The following COL4A4 variants were observed in gnomAD, a reference collection of about 807,000 sequenced individuals.
The protein encoded by COL4A4 is collagen type IV alpha 4 chain.
In COL4A4, 105 loss-of-function variants were observed where a neutral mutation model predicts 192.9. The ratio of observed to expected loss-of-function variants is 0.54; its 90% CI spans 0.46 to 0.64. COL4A4 has a LOEUF of 0.64. Ranked by LOEUF, COL4A4 falls within the 30% of genes least tolerant of loss-of-function variation. COL4A4 has a pLI of 0.00. For missense variants in COL4A4, 1,967 were observed against 2,169.3 expected, an observed-to-expected ratio of 0.91 and a Z score of 1.85; for synonymous variants, 762 against 769.9, an observed-to-expected ratio of 0.99 and a Z score of 0.17.
In COL4A4 at chr2:227,052,334, G is replaced by C. The variant is rs199772236; in HGVS notation, c.2939C>G (p.Pro980Arg). 6.2e-7 allele frequency: 1 copy of C among 1,611,404 alleles called. No individual in the cohort carries two copies. The highest frequency in any genetic ancestry group is 2.2e-5 in the East Asian group (1 of 44,852). The change falls in exon 32 of 48, where the codon CCT becomes CGT. Residue 980 changes from proline to arginine, a missense_variant. Coordinates refer to ENST00000396625, the MANE Select transcript of COL4A4 (RefSeq NM_000092.5). ...QKGTPGEPGP[P>R]GDDGFPGERG... ...TTCTCCTGGGAATCCATCATCTCCA[G>C]GAGGTCCAGGTTCCCCAGGTGTTCC... is the stretch of plus-strand genomic sequence containing the variant.
chr2:227,118,631 T>C lies in COL4A4; in HGVS notation c.489+14A>G, dbSNP rs1199749913. 1.3e-6 allele frequency: 2 copies of C among 1,563,592 alleles called. No individual in the cohort carries two copies. The highest frequency in any genetic ancestry group is 1.8e-6 in the Non-Finnish European group (2 of 1,134,032). On this transcript the variant is annotated intron_variant, in intron 7 of 47. Coordinates refer to ENST00000396625, the MANE Select transcript of COL4A4 (RefSeq NM_000092.5). ...ACTTAAGATTCCTGTTAAGATGAAC[T>C]GTGGGTATCTTACTAGGGGGCCTCC...
intron 25 of COL4A4, among the ~76,000 whole-genome samples, chr2:227,066,903 T>G (rs2058375876): frequency 6.6e-6 from 1 of 151,036 alleles, no homozygotes; most frequent in South Asian, 2.1e-4. Context: ...AATGCTCCAA[T>G]TAAAAGACAC....
At chr2:227,149,069 G>A (rs2063745583) in intron 1 of COL4A4, among the ~76,000 whole-genome samples, 1 of 151,922 alleles carries the variant, frequency 6.6e-6, no homozygotes, top group South Asian at 2.1e-4. Flanking sequence ...GGCTGGTCTT[G>A]AACTCCTGAC....
chr2:227,045,860 A>T (rs1394208314), intron 35 of COL4A4, among the ~76,000 whole-genome samples: 1 of 90,298 alleles, frequency 1.1e-5, no homozygotes, highest in Non-Finnish European at 2.1e-5. Flanking sequence ...ACATATATAT[A>T]TACACATATA....
intron 15 of COL4A4, 142 bp downstream of exon 15, chr2:227,102,647 C>T (rs900425857): frequency 2.7e-6 from 2 of 744,732 alleles, no homozygotes; most frequent in East Asian, 2.6e-5. Flanking sequence ...TTTAGATATT[C>T]CATAATTCTC....
chr2:227,062,507 C>A, intron 26 of COL4A4, 23 bp downstream of exon 26: 1 of 1,443,710 alleles, frequency 6.9e-7, no homozygotes, highest in Non-Finnish European at 9.8e-7. Context: ...GTATATAAGA[C>A]AGTAACTTCT....
At chr2:227,087,275 G>T (rs532014382) in intron 22 of COL4A4, among the ~76,000 whole-genome samples, 1 of 152,348 alleles carries the variant, frequency 6.6e-6, no homozygotes, top group African/African-American at 2.4e-5. Flanking sequence ...GACAAAGCCA[G>T]TATTTATATC....
chr2:227,094,337 C>A, intron 19 of COL4A4, 48 bp from the exon 20 acceptor site: 12 of 1,575,320 alleles, frequency 7.6e-6, no homozygotes, highest in Non-Finnish European at 9.5e-6. Flanking sequence ...TCAGAGTAAA[C>A]GTCTCTGTAG....
chr2:227,122,162 C>T (rs1229124912), intron 4 of COL4A4, among the ~76,000 whole-genome samples: 1 of 152,170 alleles, frequency 6.6e-6, no homozygotes, highest in Non-Finnish European at 1.5e-5. Flanking sequence ...AGGGCCCTGC[C>T]CCATCTCCCT....
chr2:227,119,842 G>C, intron 6 of COL4A4, 53 bp downstream of exon 6: 1 of 1,281,368 alleles, frequency 7.8e-7, no homozygotes, highest in Non-Finnish European at 1.1e-6. Context: ...TAAGGATTTT[G>C]ATGAGTACTT....
At chr2:227,012,467 A>G (rs978001068) in intron 44 of COL4A4, among the ~76,000 whole-genome samples, 170 bp from the exon 45 acceptor site, 17 of 152,064 alleles carry the variant, frequency 1.1e-4, no homozygotes, top group African/African-American at 2.9e-4. Flanking sequence ...GGATTTTACT[A>G]TCTCCACTTG....
intron 1 of COL4A4, among the ~76,000 whole-genome samples, chr2:227,156,706 A>G (rs1447941761): frequency 1.3e-5 from 2 of 152,174 alleles, no homozygotes. Flanking sequence ...GAAACCTATA[A>G]TGGATATATT....
the COL4A4 span, among the ~76,000 whole-genome samples, chr2:226,989,690 A>G: frequency 1.4e-4 from 21 of 152,152 alleles, no homozygotes; most frequent in Non-Finnish European, 5.9e-5. Flanking sequence ...GACATAGTGG[A>G]CCTGATGTTA....
chr2:227,088,865 C>T (rs1473409300), intron 21 of COL4A4, 49 bp from the exon 22 acceptor site: 4 of 1,598,606 alleles, frequency 2.5e-6, no homozygotes, highest in African/African-American at 2.7e-5. Flanking sequence ...GAATAAAATC[C>T]CCAATAAGGG....
chr2:227,029,656 T>C (rs567985007), intron 41 of COL4A4, among the ~76,000 whole-genome samples: 28 of 152,344 alleles, frequency 1.8e-4, no homozygotes, highest in African/African-American at 6.7e-4. Context: ...ATAGGGAAGT[T>C]AAAATGGATA....
intron 20 of COL4A4, among the ~76,000 whole-genome samples, chr2:227,090,535 G>A (rs2099865493): frequency 6.6e-6 from 1 of 152,030 alleles, no homozygotes; most frequent in South Asian, 2.1e-4. Flanking sequence ...GATTGCTTGA[G>A]GTCAGGAGTT....
chr2:227,109,010 G>A, intron 10 of COL4A4, 142 bp from the exon 11 acceptor site: 1 of 961,256 alleles, frequency 1.0e-6, no homozygotes, highest in Non-Finnish European at 1.7e-6. Flanking sequence ...TATCATGGAT[G>A]GGCTGTTTTC....
intron 6 of COL4A4, among the ~76,000 whole-genome samples, chr2:227,119,507 T>C (rs2061664050): frequency 6.7e-6 from 1 of 148,632 alleles, no homozygotes; most frequent in Non-Finnish European, 1.5e-5. Context: ...TCGTATATAC[T>C]ATAGATTTTA....
At chr2:226,995,275 A>G in the COL4A4 span, among the ~76,000 whole-genome samples, 3 of 152,218 alleles carry the variant, frequency 2.0e-5, no homozygotes, top group African/African-American at 7.2e-5. Context: ...GAAATTTAGT[A>G]CTGACAGCTG....
Sources: allele counts gnomAD v4.1 joint callset (sites outside exome capture counted in the v4.1 genomes callset), GRCh38; gene constraint gnomAD v4.1.1; transcripts MANE v1.5; gene names NCBI Gene and HGNC (gene_info 2026-07-23, HGNC 2026-07-21).